KSR2: variants seen among roughly 807,000 people sequenced by gnomAD.
KSR2 encodes kinase suppressor of ras 2.
A neutral mutation model predicts 107.8 loss-of-function variants in KSR2; 25 were observed. That is an observed-to-expected ratio of 0.23 (90% CI 0.17 to 0.32). The LOEUF (loss-of-function observed/expected upper bound fraction) is 0.32. Ranked by LOEUF, KSR2 falls within the 10% of genes least tolerant of loss-of-function variation. The pLI, the probability that KSR2 is intolerant of heterozygous loss-of-function variation, is 1.00. For synonymous variants in KSR2, 480 were observed against 507.0 expected (o/e 0.95, Z 0.71); for missense variants, 887 against 1,268.9 (o/e 0.70, Z 4.57).
At chr12:117,957,489 A>G (rs925465103) in intron 1 of KSR2, among the ~76,000 whole-genome samples, 5 of 149,962 alleles carry the variant, frequency 3.3e-5, no homozygotes, top group African/African-American at 1.2e-4. Flanking sequence ...GCCTCTCAAC[A>G]CCTCCCCTGT....
chr12:117,753,281 T>A (rs1361284524), intron 4 of KSR2, among the ~76,000 whole-genome samples: 1 of 152,198 alleles, frequency 6.6e-6, no homozygotes, highest in Non-Finnish European at 1.5e-5. Flanking sequence ...AGATATGGTG[T>A]ATCTCTGTTT....
intron 5 of KSR2, among the ~76,000 whole-genome samples, chr12:117,617,328 ATCT>A (rs1881945837): frequency 6.6e-6 from 1 of 152,080 alleles, no homozygotes; most frequent in Non-Finnish European, 1.5e-5. Flanking sequence ...AGTGTGTCTG[ATCT>A]TCTATTAAAC....
chr12:117,711,563 G>A (rs1886782963), intron 4 of KSR2, among the ~76,000 whole-genome samples: 1 of 152,234 alleles, frequency 6.6e-6, no homozygotes, highest in Admixed American at 6.5e-5. Flanking sequence ...ATAGATTTTG[G>A]AGGTGAAATT....
intron 14 of KSR2, among the ~76,000 whole-genome samples, chr12:117,511,518 C>T (rs1874025009): frequency 6.6e-6 from 1 of 152,220 alleles, no homozygotes; most frequent in Admixed American, 6.5e-5. Flanking sequence ...TATGCCCTAG[C>T]TTAGCCTAAC....
intron 3 of KSR2, among the ~76,000 whole-genome samples, chr12:117,762,369 T>C (rs888272435): frequency 6.6e-6 from 1 of 152,240 alleles, no homozygotes; most frequent in Non-Finnish European, 1.5e-5. Flanking sequence ...ATGTTCTTAT[T>C]CATGCATTTG....
At chr12:117,912,384 C>T (rs1178495580) in intron 1 of KSR2, among the ~76,000 whole-genome samples, 1 of 152,094 alleles carries the variant, frequency 6.6e-6, no homozygotes, top group African/African-American at 2.4e-5. Flanking sequence ...CTCTGGGAGA[C>T]ACAAAAAATG....
intron 3 of KSR2, among the ~76,000 whole-genome samples, chr12:117,841,864 G>A (rs912557004): frequency 6.6e-6 from 1 of 152,232 alleles, no homozygotes; most frequent in African/African-American, 2.4e-5. Flanking sequence ...GACCTCATGA[G>A]GTTGTTGAAG....
At chr12:117,664,044 G>A (rs1467373404) in intron 5 of KSR2, among the ~76,000 whole-genome samples, 4 of 152,224 alleles carry the variant, frequency 2.6e-5, no homozygotes, top group African/African-American at 9.6e-5. Flanking sequence ...AGCGTCTGAC[G>A]TCTTTCATTC....
At chr12:117,764,465 C>T (rs1321549638) in intron 3 of KSR2, among the ~76,000 whole-genome samples, 1 of 152,262 alleles carries the variant, frequency 6.6e-6, no homozygotes, top group South Asian at 2.1e-4. Flanking sequence ...CAGCCAGATT[C>T]AAACCCAAAA....
intron 5 of KSR2, among the ~76,000 whole-genome samples, chr12:117,620,293 C>T (rs1470381085): frequency 1.3e-5 from 2 of 152,092 alleles, no homozygotes; most frequent in Non-Finnish European, 2.9e-5. Context: ...GGCTCCTAGA[C>T]CCTGGGTGGT....
intron 1 of KSR2, among the ~76,000 whole-genome samples, chr12:117,947,681 G>A (rs1169563273): frequency 1.3e-5 from 2 of 151,940 alleles, no homozygotes; most frequent in African/African-American, 4.8e-5. Flanking sequence ...GTTTATCAAG[G>A]TCACAGGATA....
intron 4 of KSR2, among the ~76,000 whole-genome samples, chr12:117,732,033 A>G (rs1887744367): frequency 8.3e-6 from 1 of 120,688 alleles, no homozygotes; most frequent in Non-Finnish European, 1.9e-5. Context: ...ATGATCAACA[A>G]ATACTATTAA....
At chr12:117,946,975 A>G (rs1896197395) in intron 1 of KSR2, among the ~76,000 whole-genome samples, 1 of 151,362 alleles carries the variant, frequency 6.6e-6, no homozygotes, top group Admixed American at 6.6e-5. Context: ...GACCAGCCTG[A>G]CCAACATAGT....
Position 117,476,455 on chromosome 12 carries a change from C to A in KSR2, c.2582+9G>T. ...GTGGCTCTCAATGGCCAGGGCAGGG[C>A]CCACTTACCCAAGGGCAAAGACGTC... On this transcript the variant is annotated intron_variant, in intron 17 of 19. Transcript: ENST00000339824. 6.3e-7 allele frequency: 1 copy of A among 1,589,596 alleles called. No homozygotes were observed. The highest frequency in any genetic ancestry group is 8.6e-7 in the Non-Finnish European group (1 of 1,167,628).
chr12:117,472,427 G>A (rs997462561), intron 17 of KSR2, among the ~76,000 whole-genome samples: 1 of 152,158 alleles, frequency 6.6e-6, no homozygotes, highest in African/African-American at 2.4e-5. Context: ...TCACTGAGCT[G>A]TATCATGGGG....
chr12:117,960,841 C>T (rs549531192), intron 1 of KSR2, among the ~76,000 whole-genome samples: 49 of 150,150 alleles, frequency 3.3e-4, no homozygotes, highest in African/African-American at 1.2e-3. Context: ...GCTCTGTCAC[C>T]GAGGCTGGAG....
rs1347169251 is a variant in KSR2 at position 117,968,356 on chromosome 12, C to G, written c.-101G>C. 1 of 1,403,292 alleles carries G rather than the reference C, an allele frequency of 7.1e-7. No homozygotes were observed. The highest frequency in any genetic ancestry group is 2.7e-5 in the East Asian group (1 of 37,044). 86.9% of individuals were successfully genotyped at this position (1,403,292 alleles called of 1,614,324 possible). A position where few individuals can be genotyped will look rare whatever the true frequency, so the allele number is the denominator to read the frequency against. On this transcript the variant is annotated 5_prime_UTR_variant, in exon 1 of 20. Transcript: ENST00000339824. Reference sequence around the variant, plus strand: ...CCCTCCGCCTCTCCAACCACTGCGACTTCTCAACAATGTCTCATGAAGAAG... The same window carrying G: ...CCCTCCGCCTCTCCAACCACTGCGAGTTCTCAACAATGTCTCATGAAGAAG...
chr12:117,947,061 C>T (rs1036303829), intron 1 of KSR2, among the ~76,000 whole-genome samples: 6 of 151,212 alleles, frequency 4.0e-5, no homozygotes, highest in African/African-American at 1.2e-4. Context: ...CCCAGCTACT[C>T]GGAGGCTGAG....
chr12:117,720,581 C>G (rs948598920), intron 4 of KSR2, among the ~76,000 whole-genome samples: 4 of 152,202 alleles, frequency 2.6e-5, no homozygotes, highest in African/African-American at 9.7e-5. Context: ...TTTATTCATT[C>G]GACAAAGTCT....
Sources: allele counts gnomAD v4.1 joint callset (sites outside exome capture counted in the v4.1 genomes callset), GRCh38; gene constraint gnomAD v4.1.1; transcripts MANE v1.5; gene names NCBI Gene and HGNC (gene_info 2026-07-23, HGNC 2026-07-21).